The following CPEB4 variants were observed in gnomAD, a reference collection of about 807,000 sequenced individuals.
CPEB4 encodes the protein cytoplasmic polyadenylation element-binding protein 4.
Under a neutral mutation model 72.5 loss-of-function variants are expected in CPEB4, and 12 were observed. The ratio of observed to expected loss-of-function variants is 0.17; its 90% CI spans 0.11 to 0.27. The LOEUF is 0.27. CPEB4 is among the 10% of genes least tolerant of loss of function. The probability of loss-of-function intolerance (pLI) is 1.00; values close to 1 mark genes in which losing one functional copy is unlikely to be tolerated. For missense variants in CPEB4, 614 were observed against 908.5 expected, an observed-to-expected ratio of 0.68 and a Z score of 4.17; for synonymous variants, 302 against 326.3, an observed-to-expected ratio of 0.93 and a Z score of 0.80.
chr5:173,950,170 GGTACTTAATTGACAT>G lies in CPEB4; in HGVS notation c.1665+95_1665+109del. ...CCCATAGACAACTTGATGTGTTTGG[GGTACTTAATTGACAT>G]GTTTGTAAGCAGACTAAGTAGTCTT... On this transcript the variant is annotated intron_variant, in intron 7 of 9. Transcript: ENST00000265085. The surrounding 1 kb of genome is among the most constrained non-coding windows in gnomAD (Gnocchi z 5.0). 1.4e-6 allele frequency: 1 copy of G among 700,776 alleles called. No individual in the cohort carries two copies. Among genetic ancestry groups the G allele is most frequent in the South Asian group, 2.0e-5 (1 of 50,424 alleles). The allele number at this position is 700,776 out of a possible 1,614,324, so 43.4% of individuals were successfully genotyped here. A position where few individuals can be genotyped will look rare whatever the true frequency, so the allele number is the denominator to read the frequency against.
chr5:173,925,074 A>G (rs1757197047), intron 2 of CPEB4, among the ~76,000 whole-genome samples: 1 of 152,110 alleles, frequency 6.6e-6, no homozygotes, highest in African/African-American at 2.4e-5. Flanking sequence ...GAGTGGTAAG[A>G]CATTGAGGGG....
At chr5:173,931,635 T>G (rs1247884653) in intron 2 of CPEB4, among the ~76,000 whole-genome samples, 1 of 152,188 alleles carries the variant, frequency 6.6e-6, no homozygotes, top group Non-Finnish European at 1.5e-5. Flanking sequence ...AGTATAGAAC[T>G]AGGTCCATAT....
At chr5:173,947,365 G>A (rs990258132) in intron 5 of CPEB4, among the ~76,000 whole-genome samples, 1 of 152,076 alleles carries the variant, frequency 6.6e-6, no homozygotes, top group African/African-American at 2.4e-5. Flanking sequence ...ACAGGGAAGA[G>A]GTCTCAAGTG....
chr5:173,920,865 A>G (rs1019049514), intron 2 of CPEB4, among the ~76,000 whole-genome samples: 2 of 152,250 alleles, frequency 1.3e-5, no homozygotes, highest in African/African-American at 4.8e-5. Flanking sequence ...GATCAGATTT[A>G]GTCGGTTGAG....
At chr5:173,891,425 T>C (rs1755806437) in intron 1 of CPEB4, 1 of 152,194 alleles carries the variant, frequency 6.6e-6, no homozygotes, top group Admixed American at 6.5e-5. Flanking sequence ...CCTCTGCAAA[T>C]TTTGGCCTAC....
intron 9 of CPEB4, among the ~76,000 whole-genome samples, chr5:173,954,860 G>T (rs73808322): frequency 0.014 from 2,120 of 152,262 alleles, 52 homozygotes; most frequent in African/African-American, 0.047. Context: ...GAGGCCAGAA[G>T]CCCAGTGCTC....
chr5:173,902,844 A>G (rs979523475), intron 1 of CPEB4, among the ~76,000 whole-genome samples: 1 of 152,246 alleles, frequency 6.6e-6, no homozygotes, highest in African/African-American at 2.4e-5. Context: ...CTGTTAAGCC[A>G]TAATTCTATA....
At chr5:173,939,956 C>CAAAAAAAAAAAAAAAA (rs35154045) in intron 3 of CPEB4, among the ~76,000 whole-genome samples, 1 of 68,400 alleles carries the variant, frequency 1.5e-5, no homozygotes, top group Admixed American at 1.6e-4. Flanking sequence ...TAATAAAATA[C>CAAAAAAAAAAAAAAAA]AAAAAAAAAA....
At position 173,901,329 on chromosome 5, in the gene CPEB4, A is replaced by G. The variant is rs531553750; in HGVS notation, c.1126-9194A>G. 6.8e-4 allele frequency among the ~76,000 whole-genome samples: 104 copies of G among 152,332 alleles called. 3 individuals are homozygous for G. The South Asian group carries it at 0.013, about 20-fold the overall frequency. On this transcript the variant is annotated intron_variant, in intron 1 of 9. Transcript: ENST00000265085. Reference sequence around the variant, plus strand: ...TCATTTAGTTGTAGATCATAATTCTATTAGGGAACATGTGGTAACCTAAGA... The same window carrying G: ...TCATTTAGTTGTAGATCATAATTCTGTTAGGGAACATGTGGTAACCTAAGA...
At chr5:173,925,978 G>A (rs1757229373) in intron 2 of CPEB4, among the ~76,000 whole-genome samples, 1 of 152,160 alleles carries the variant, frequency 6.6e-6, no homozygotes, top group African/African-American at 2.4e-5. Context: ...TCAATCAAAA[G>A]TTGATCCTTA....
intron 9 of CPEB4, chr5:173,953,522 T>G: frequency 2.5e-6 from 1 of 406,100 alleles, no homozygotes; most frequent in Non-Finnish European, 4.3e-6. Flanking sequence ...TTCCATTCAA[T>G]CTCAATCCAT....
chr5:173,888,477 A>AAAG lies in CPEB4; in HGVS notation c.-1251_-1249dup. On this transcript the variant is annotated 5_prime_UTR_variant, in exon 1 of 10. Transcript: ENST00000265085. This position sits in a 1 kb window ranked among gnomAD's most constrained non-coding sequence, Gnocchi z 4.3. ...AGGAAGAGGAGGAAGAAGGAAAGAA[A>AAAG]AAGAAGAACCAGGAGGAGTCCTCAA... 1 of 434,162 alleles carries AAAG rather than the reference A, an allele frequency of 2.3e-6. No individual in the cohort carries two copies. Among genetic ancestry groups the AAAG allele is most frequent in the Non-Finnish European group, 4.0e-6 (1 of 249,472 alleles). 26.9% of individuals were successfully genotyped at this position (434,162 alleles called of 1,614,324 possible).
rs1758167670 is a variant in CPEB4 at position 173,950,179 on chromosome 5, T to C, written c.1665+101T>C. 1 of 651,300 alleles carries C rather than the reference T, an allele frequency of 1.5e-6. No individual in the cohort carries two copies. The highest frequency in any genetic ancestry group is 2.6e-6 in the Non-Finnish European group (1 of 378,898). The allele number at this position is 651,300 out of a possible 1,614,324, so 40.3% of individuals were successfully genotyped here. On this transcript the variant is annotated intron_variant, in intron 7 of 9. Coordinates refer to ENST00000265085, the MANE Select transcript of CPEB4 (RefSeq NM_030627.4). The surrounding 1 kb of genome is among the most constrained non-coding windows in gnomAD (Gnocchi z 5.0). ...AACTTGATGTGTTTGGGGTACTTAATTGACATGTTTGTAAGCAGACTAAGT... is the reference window on the plus strand; with the variant it reads ...AACTTGATGTGTTTGGGGTACTTAACTGACATGTTTGTAAGCAGACTAAGT...
intron 7 of CPEB4, 86 bp from the exon 8 acceptor site, chr5:173,951,738 A>T: frequency 1.3e-6 from 1 of 777,790 alleles, no homozygotes; most frequent in Non-Finnish European, 2.3e-6. Context: ...TATTGCTTTT[A>T]AAAATACTTT....
At position 173,950,756 on chromosome 5, in the gene CPEB4, A is replaced by AT. The variant is rs1758190664; in HGVS notation, c.1665+682dup. On this transcript the variant is annotated intron_variant, in intron 7 of 9. Coordinates refer to ENST00000265085, the MANE Select transcript of CPEB4 (RefSeq NM_030627.4). The surrounding 1 kb of genome is among the most constrained non-coding windows in gnomAD (Gnocchi z 5.0). Reference sequence around the variant, plus strand: ...TAGCGTTTTCCTCACTTTAATGAAGATTTTACCCAATATTATCCTTAACTT... The same window carrying AT: ...TAGCGTTTTCCTCACTTTAATGAAGATTTTTACCCAATATTATCCTTAACTT... 6.6e-6 allele frequency among the ~76,000 whole-genome samples: 1 copy of AT among 152,190 alleles called. No individual in the cohort carries two copies. The highest frequency in any genetic ancestry group is 1.9e-4 in the East Asian group (1 of 5,206).
In CPEB4 at chr5:173,889,012, C is replaced by A; in HGVS notation, c.-722C>A. 1 of 153,966 alleles carries A rather than the reference C, an allele frequency of 6.5e-6. No homozygotes were observed. 9.5% of individuals were successfully genotyped at this position (153,966 alleles called of 1,614,324 possible). ...TGCACCCGGAGCCTCAGGAACAGCC[C>A]CAGAGGCCAAAACTGCACCCTGCGA... On this transcript the variant is annotated 5_prime_UTR_variant, in exon 1 of 10. Transcript: ENST00000265085.
In CPEB4 at chr5:173,943,035, A is replaced by G. The variant is rs1411346660; in HGVS notation, c.1268A>G (p.Tyr423Cys). Residue 423 changes from tyrosine (Y) to cysteine (C), a missense_variant, in exon 4 of 10, where the codon TAT becomes TGT. Tyr to Cys is a radical substitution (Grantham distance 194). This residue lies in a region of CPEB4 where 458 missense variants were observed against 548.6 expected (regional missense o/e 0.83). Coordinates refer to ENST00000265085, the MANE Select transcript of CPEB4 (RefSeq NM_030627.4). ...CTCATTTGACATGCAGCAAGGACATATGGGCGAAGGAGAGGTAACATTGTT... is the reference window on the plus strand; with the variant it reads ...CTCATTTGACATGCAGCAAGGACATGTGGGCGAAGGAGAGGTAACATTGTT... ...DSSLLINARTYGRRRGQSSLF... is the reference protein window; with the variant it reads ...DSSLLINARTCGRRRGQSSLF... The G allele has an allele frequency of 2.5e-6, 4 of 1,611,896 alleles. No homozygotes were observed. The highest frequency in any genetic ancestry group is 2.2e-5 in the South Asian group (2 of 90,700).
In CPEB4 at chr5:173,936,996, T is replaced by C. The variant is rs1300042964; in HGVS notation, c.1258+4496T>C. On this transcript the variant is annotated intron_variant, in intron 3 of 9. Transcript: ENST00000265085. ...TGATTAGTAAGAGATCTATTAAGGG[T>C]AGCACAGAACAACATTTCTTTCCTT... Among the ~76,000 whole-genome samples, 3 of 149,646 alleles carry C rather than the reference T, an allele frequency of 2.0e-5. No individual in the cohort carries two copies. In the East Asian group the frequency reaches 5.9e-4, roughly 29 times the overall value.
intron 2 of CPEB4, among the ~76,000 whole-genome samples, chr5:173,931,360 T>TCAAA (rs1458935293): frequency 6.6e-6 from 1 of 152,170 alleles, no homozygotes; most frequent in East Asian, 1.9e-4. Context: ...TTGAGAGTCA[T>TCAAA]GGTTCTGTGG....
Sources: allele counts gnomAD v4.1 joint callset (sites outside exome capture counted in the v4.1 genomes callset), GRCh38; gene constraint gnomAD v4.1.1; regional missense constraint gnomAD v4.1.1; non-coding constraint Gnocchi (gnomAD v3.1); transcripts MANE v1.5; gene names NCBI Gene and HGNC (gene_info 2026-07-23, HGNC 2026-07-21).